The following CCSER1 variants were observed in gnomAD, a reference collection of about 807,000 sequenced individuals.
The protein encoded by CCSER1 is serine-rich coiled-coil domain-containing protein 1.
Under a neutral mutation model 82.0 loss-of-function variants are expected in CCSER1, and 41 were observed. The ratio of observed to expected loss-of-function variants is 0.50; its 90% CI spans 0.39 to 0.65. The LOEUF (loss-of-function observed/expected upper bound fraction) is 0.65. CCSER1 is among the 30% of genes least tolerant of loss of function. The pLI, the probability that CCSER1 is intolerant of heterozygous loss-of-function variation, is 0.00. For missense variants in CCSER1, 1,119 were observed against 1,064.2 expected, an observed-to-expected ratio of 1.05 and a Z score of -0.72; for synonymous variants, 414 against 383.9, an observed-to-expected ratio of 1.08 and a Z score of -0.92.
At chr4:90,840,188 G>A (rs1406890180) in intron 8 of CCSER1, among the ~76,000 whole-genome samples, 2 of 151,988 alleles carry the variant, frequency 1.3e-5, no homozygotes, top group Non-Finnish European at 2.9e-5. Context: ...CTTTATTTTA[G>A]TAGAGAGAAA....
intron 5 of CCSER1, among the ~76,000 whole-genome samples, chr4:90,510,312 G>A (rs368952425): frequency 1.4e-4 from 21 of 152,238 alleles, no homozygotes; most frequent in East Asian, 1.4e-3. Context: ...GCCAAAATAC[G>A]CAAGTATTTT....
Position 91,244,922 on chromosome 4 carries a change from A to G in CCSER1, c.2217+158928A>G, listed in dbSNP as rs181311544. ...AAAATTTCAGTATCCTATCAGATAA[A>G]TTTAACAAGGAGATTGAAATAATTT... On this transcript the variant is annotated intron_variant, in intron 10 of 10. Coordinates refer to ENST00000509176, the MANE Select transcript of CCSER1 (RefSeq NM_001145065.2). 3.5e-3 allele frequency among the ~76,000 whole-genome samples: 539 copies of G among 152,286 alleles called. 1 individual carries two copies. Among genetic ancestry groups the G allele is most frequent in the Non-Finnish European group, 6.2e-3 (420 of 68,002 alleles).
chr4:91,020,947 A>G (rs1739903629), intron 9 of CCSER1, among the ~76,000 whole-genome samples: 1 of 152,166 alleles, frequency 6.6e-6, no homozygotes, highest in Non-Finnish European at 1.5e-5. Flanking sequence ...GTGATGATAA[A>G]TAACCCAAGC....
chr4:90,654,520 A>C (rs1729355048), intron 6 of CCSER1, among the ~76,000 whole-genome samples: 1 of 152,080 alleles, frequency 6.6e-6, no homozygotes, highest in Non-Finnish European at 1.5e-5. Flanking sequence ...TTTCCATTCT[A>C]AATGTACATT....
intron 5 of CCSER1, among the ~76,000 whole-genome samples, chr4:90,600,597 C>T (rs1234743341): frequency 6.6e-6 from 1 of 152,016 alleles, no homozygotes; most frequent in African/African-American, 2.4e-5. Flanking sequence ...AGATTTTCTT[C>T]CAGACTCTGG....
chr4:91,433,717 T>G (rs998917404), intron 10 of CCSER1, among the ~76,000 whole-genome samples: 2 of 152,216 alleles, frequency 1.3e-5, no homozygotes, highest in Admixed American at 1.3e-4. Flanking sequence ...TCTAGGTTTG[T>G]GTAAGTACAT....
intron 1 of CCSER1, among the ~76,000 whole-genome samples, chr4:90,275,744 G>A (rs1328391671): frequency 1.3e-5 from 2 of 152,110 alleles, no homozygotes; most frequent in Non-Finnish European, 2.9e-5. Context: ...AATATGCTTG[G>A]TTGTCACTCA....
chr4:90,270,400 G>A (rs956802518), intron 1 of CCSER1, among the ~76,000 whole-genome samples: 1 of 151,922 alleles, frequency 6.6e-6, no homozygotes, highest in Non-Finnish European at 1.5e-5. Context: ...CAAGATGAAG[G>A]ACAAACACCA....
intron 1 of CCSER1, among the ~76,000 whole-genome samples, chr4:90,240,369 A>T (rs549126049): frequency 6.6e-6 from 1 of 152,240 alleles, no homozygotes; most frequent in South Asian, 2.1e-4. Flanking sequence ...CCTTGGGAAG[A>T]TTGTCTCTAG....
intron 3 of CCSER1, among the ~76,000 whole-genome samples, chr4:90,340,827 T>C (rs1220440997): frequency 2.0e-5 from 3 of 152,122 alleles, no homozygotes; most frequent in African/African-American, 7.2e-5. Context: ...CCATTTCAGT[T>C]ATCGATGATC....
intron 1 of CCSER1, among the ~76,000 whole-genome samples, chr4:90,273,213 G>A (rs912806754): frequency 6.6e-6 from 1 of 151,986 alleles, no homozygotes; most frequent in East Asian, 1.9e-4. Flanking sequence ...CCAGAGGCTG[G>A]GGAGGGTAGT....
Position 90,813,384 on chromosome 4 carries a change from C to T in CCSER1, c.2011-2378C>T, listed in dbSNP as rs549596552. On this transcript the variant is annotated intron_variant, in intron 7 of 10. Transcript: ENST00000509176. The stretch of plus-strand genomic sequence containing the variant: ...ACTCCCATGGCCTTGGGCAGCTCCA[C>T]CCCTGTGGCTCTGTGGGGTATATCC... 2.6e-5 allele frequency among the ~76,000 whole-genome samples: 4 copies of T among 152,224 alleles called. No individual in the cohort carries two copies. The South Asian group carries it at 8.3e-4, about 32-fold the overall frequency.
At chr4:91,334,448 A>G (rs986862239) in intron 10 of CCSER1, among the ~76,000 whole-genome samples, 4 of 152,054 alleles carry the variant, frequency 2.6e-5, no homozygotes, top group Admixed American at 1.3e-4. Context: ...CTATGTGTCA[A>G]TGTTTGACAC....
At chr4:90,721,492 A>G (rs891788176) in intron 6 of CCSER1, among the ~76,000 whole-genome samples, 59 of 151,994 alleles carry the variant, frequency 3.9e-4, no homozygotes, top group African/African-American at 1.4e-3. Context: ...CACTTGTAAA[A>G]TCTCTGAAAT....
At chr4:90,999,023 A>G (rs1462536217) in intron 9 of CCSER1, among the ~76,000 whole-genome samples, 1 of 152,130 alleles carries the variant, frequency 6.6e-6, no homozygotes, top group Admixed American at 6.5e-5. Context: ...ATTTAGAATA[A>G]TGTTTTCCAG....
chr4:90,782,581 T>C (rs967383549), intron 7 of CCSER1, among the ~76,000 whole-genome samples: 2 of 152,158 alleles, frequency 1.3e-5, no homozygotes, highest in African/African-American at 4.8e-5. Flanking sequence ...AATGAATGAA[T>C]TAAAATAATT....
intron 9 of CCSER1, among the ~76,000 whole-genome samples, chr4:90,942,562 G>C (rs944081415): frequency 1.3e-5 from 2 of 151,920 alleles, no homozygotes; most frequent in Admixed American, 1.3e-4. Context: ...CTATCTGAAA[G>C]CTGTTTGCCT....
Position 91,239,272 on chromosome 4 carries a change from G to A in CCSER1, c.2217+153278G>A, listed in dbSNP as rs553096696. On this transcript the variant is annotated intron_variant, in intron 10 of 10. Coordinates refer to ENST00000509176, the MANE Select transcript of CCSER1 (RefSeq NM_001145065.2). ...CTAGTAAGCAACAAAACTAGGGTTC[G>A]AATATCTAGGCAGTCTCATTTTAGA... Among the ~76,000 whole-genome samples, 5 of 84,026 alleles carry A rather than the reference G, an allele frequency of 6.0e-5. No homozygotes were observed. In the South Asian group the frequency reaches 1.5e-3, roughly 25 times the overall value. 55.1% of individuals were successfully genotyped at this position (84,026 alleles called of 152,430 possible).
At chr4:90,448,119 C>A (rs573897206) in intron 4 of CCSER1, among the ~76,000 whole-genome samples, 29 of 152,014 alleles carry the variant, frequency 1.9e-4, no homozygotes, top group Middle Eastern at 3.4e-3. Flanking sequence ...ATATCAAGCA[C>A]CTTCTTTTTC....
Sources: gnomAD v4.1 joint callset for allele counts (sites outside exome capture counted in the v4.1 genomes callset) on GRCh38, gnomAD v4.1.1 for gene constraint, MANE v1.5 for transcripts, NCBI Gene and HGNC (gene_info 2026-07-23, HGNC 2026-07-21) for gene names.